The following IL1RAPL2 variants were observed in gnomAD, a reference collection of about 807,000 sequenced individuals.
The protein encoded by IL1RAPL2 is interleukin 1 receptor accessory protein like 2.
In IL1RAPL2, 3 loss-of-function variants were observed where a neutral mutation model predicts 44.1. The ratio of observed to expected loss-of-function variants is 0.07; its 90% CI spans 0.03 to 0.18. IL1RAPL2 has a LOEUF of 0.18. IL1RAPL2 is among the 10% of genes least tolerant of loss of function. The pLI, the probability that IL1RAPL2 is intolerant of heterozygous loss-of-function variation, is 1.00. For missense variants in IL1RAPL2, 391 were observed against 496.4 expected (o/e 0.79, Z 2.02); for synonymous variants, 181 against 178.8 (o/e 1.01, Z -0.10).
At chrX:105,720,686 G>T (rs920916927) in intron 7 of IL1RAPL2, among the ~76,000 whole-genome samples, 1 of 111,046 alleles carries the variant, frequency 9.0e-6, no homozygotes, top group South Asian at 3.8e-4. Flanking sequence ...ATCTTTGTAT[G>T]CACATATATT....
At chrX:104,757,737 ATTTTC>A (rs991942022) in intron 2 of IL1RAPL2, among the ~76,000 whole-genome samples, 1 of 111,721 alleles carries the variant, frequency 9.0e-6, no homozygotes, top group African/African-American at 3.2e-5. Context: ...TATTTCCCAT[ATTTTC>A]TTTAATGAAA....
chrX:104,964,461 G>A (rs771758068), intron 2 of IL1RAPL2, among the ~76,000 whole-genome samples: 38 of 109,123 alleles, frequency 3.5e-4, no homozygotes, highest in African/African-American at 1.2e-3. Context: ...ACAGGCGCCC[G>A]CCACCACACC....
At chrX:104,953,426 A>G (rs1016668694) in intron 2 of IL1RAPL2, among the ~76,000 whole-genome samples, 2 of 112,040 alleles carry the variant, frequency 1.8e-5, no homozygotes, top group African/African-American at 6.5e-5. Context: ...CACATATCCT[A>G]CAGTATCTAT....
chrX:105,494,207 C>T (rs1253282504), intron 6 of IL1RAPL2, among the ~76,000 whole-genome samples: 1 of 111,591 alleles, frequency 9.0e-6, no homozygotes, highest in East Asian at 2.8e-4. Context: ...TCAATACCAT[C>T]AGCTTTGCAG....
intron 5 of IL1RAPL2, among the ~76,000 whole-genome samples, chrX:105,327,208 G>A (rs1000877306): frequency 1.8e-5 from 2 of 111,984 alleles, no homozygotes; most frequent in Non-Finnish European, 1.9e-5. Context: ...TGGGACACAC[G>A]GGCTCAATAC....
At chrX:105,034,174 C>T (rs1041562004) in intron 2 of IL1RAPL2, among the ~76,000 whole-genome samples, 2 of 111,180 alleles carry the variant, frequency 1.8e-5, no homozygotes, top group African/African-American at 6.5e-5. Context: ...TTTGAATTTC[C>T]TCCTGTAGCT....
intron 6 of IL1RAPL2, among the ~76,000 whole-genome samples, chrX:105,703,491 C>A (rs1036382509): frequency 2.7e-5 from 3 of 111,430 alleles, no homozygotes; most frequent in Non-Finnish European, 3.8e-5. Context: ...AGGGGTCTCA[C>A]AATGTAAGGG....
intron 6 of IL1RAPL2, among the ~76,000 whole-genome samples, chrX:105,628,862 G>C (rs997740045): frequency 9.1e-6 from 1 of 110,426 alleles, no homozygotes; most frequent in East Asian, 2.9e-4. Flanking sequence ...TGAATCACTT[G>C]TACCCAGGAG....
intron 2 of IL1RAPL2, among the ~76,000 whole-genome samples, chrX:105,052,250 G>T (rs929255228): frequency 1.8e-5 from 2 of 111,727 alleles, no homozygotes; most frequent in Non-Finnish European, 3.8e-5. Context: ...AGGAGTAAAG[G>T]GAAGAGAAGG....
intron 6 of IL1RAPL2, among the ~76,000 whole-genome samples, chrX:105,550,851 C>T (rs1297537393): frequency 9.0e-6 from 1 of 111,311 alleles, no homozygotes; most frequent in Admixed American, 9.6e-5. Context: ...TTTTATTTGG[C>T]ATCACCATAT....
intron 6 of IL1RAPL2, among the ~76,000 whole-genome samples, chrX:105,628,972 G>C (rs1449844706): frequency 9.0e-6 from 1 of 110,542 alleles, no homozygotes; most frequent in Admixed American, 9.6e-5. Flanking sequence ...GCAGGGGTTT[G>C]AACATTTACT....
At chrX:105,726,224 T>A (rs1418623230) in intron 7 of IL1RAPL2, among the ~76,000 whole-genome samples, 1 of 111,822 alleles carries the variant, frequency 8.9e-6, no homozygotes, top group East Asian at 2.8e-4. Flanking sequence ...GCATTTCACA[T>A]CTTAAAACAT....
intron 2 of IL1RAPL2, among the ~76,000 whole-genome samples, chrX:104,988,486 T>C (rs1206414325): frequency 8.9e-6 from 1 of 112,087 alleles, no homozygotes; most frequent in Non-Finnish European, 1.9e-5. Flanking sequence ...ACAGGAACTC[T>C]AGAATTCATT....
intron 2 of IL1RAPL2, among the ~76,000 whole-genome samples, chrX:105,089,834 T>G (rs1330225587): frequency 9.0e-6 from 1 of 111,656 alleles, no homozygotes; most frequent in East Asian, 2.8e-4. Context: ...GACTCACTCT[T>G]GTTTGTTTGT....
At chrX:104,574,260 G>T (rs1302637090) in intron 1 of IL1RAPL2, among the ~76,000 whole-genome samples, 2 of 110,976 alleles carry the variant, frequency 1.8e-5, no homozygotes, top group African/African-American at 6.5e-5. Context: ...TAACATAAAA[G>T]AACTTCCACA....
intron 2 of IL1RAPL2, among the ~76,000 whole-genome samples, chrX:105,024,383 T>C (rs1295558178): frequency 9.0e-6 from 1 of 111,438 alleles, no homozygotes; most frequent in Non-Finnish European, 1.9e-5. Flanking sequence ...GATCTTTATA[T>C]CATATGTATA....
At chrX:104,722,915 G>A (rs1168580232) in intron 2 of IL1RAPL2, among the ~76,000 whole-genome samples, 1 of 111,380 alleles carries the variant, frequency 9.0e-6, no homozygotes, top group Non-Finnish European at 1.9e-5. Flanking sequence ...GTTGCCAGTA[G>A]CATTATTTTG....
intron 2 of IL1RAPL2, among the ~76,000 whole-genome samples, chrX:105,013,217 T>G (rs2031098325): frequency 9.0e-6 from 1 of 111,167 alleles, no homozygotes; most frequent in Non-Finnish European, 1.9e-5. Context: ...ATCAGAGTCT[T>G]GGACAACTCT....
intron 5 of IL1RAPL2, among the ~76,000 whole-genome samples, chrX:105,290,323 G>T (rs1303581964): frequency 1.8e-5 from 2 of 111,604 alleles, no homozygotes; most frequent in African/African-American, 6.5e-5. Flanking sequence ...CATGTATAGT[G>T]CTATAGTAGA....
Sources: gnomAD v4.1 joint callset for allele counts (sites outside exome capture counted in the v4.1 genomes callset) on GRCh38, gnomAD v4.1.1 for gene constraint, MANE v1.5 for transcripts, NCBI Gene and HGNC (gene_info 2026-07-23, HGNC 2026-07-21) for gene names.